The following XYLB variants were observed in gnomAD, a reference collection of about 807,000 sequenced individuals.
XYLB encodes xylulose kinase.
XYLB carries 62 observed loss-of-function variants against 78.7 expected under a neutral mutation model. The observed-to-expected ratio is 0.79, with a 90% CI of 0.64 to 0.97. The LOEUF is 0.97. XYLB is among the 50% of genes least tolerant of loss of function. The probability of loss-of-function intolerance (pLI) is 0.00; values close to 1 mark genes in which losing one functional copy is unlikely to be tolerated. For missense variants in XYLB, 687 were observed against 676.8 expected, an observed-to-expected ratio of 1.02 and a Z score of -0.17; for synonymous variants, 245 against 247.4, an observed-to-expected ratio of 0.99 and a Z score of 0.09.
At chr3:38,372,631 C>G in intron 9 of XYLB, 24 bp from the exon 10 acceptor site, 1 of 1,613,954 alleles carries the variant, frequency 6.2e-7, no homozygotes, top group Non-Finnish European at 8.5e-7. Context: ...AACAGAGCAC[C>G]TTTGCTTTGT....
intron 4 of XYLB, 56 bp from the exon 5 acceptor site, chr3:38,365,143 G>A: frequency 6.5e-7 from 1 of 1,549,378 alleles, no homozygotes; most frequent in South Asian, 1.1e-5. Flanking sequence ...TGTGTCTTCA[G>A]GAGGCTGTGA....
At chr3:38,440,402 C>A in the XYLB span, among the ~76,000 whole-genome samples, 2 of 152,308 alleles carry the variant, frequency 1.3e-5, no homozygotes, top group South Asian at 2.1e-4. Flanking sequence ...TTTGAGCAGA[C>A]CAATTATTAA....
chr3:38,372,076 C>T (rs1706595357), intron 9 of XYLB, among the ~76,000 whole-genome samples: 1 of 152,218 alleles, frequency 6.6e-6, no homozygotes, highest in Non-Finnish European at 1.5e-5. Flanking sequence ...TCATTTGTCA[C>T]GTAGGTGTCA....
chr3:38,365,706 C>T lies in XYLB; in HGVS notation c.477C>T (p.Leu159=). ...LEAAVGGAQA[L]SCLTGSRAYE... is the part of the protein sequence containing the mutation. ...CTGCTGTGGGTGGTGCTCAGGCTCT[C>T]AGCTGCCTCACGGGGTCCCGTGCCT... The change falls in exon 6 of 19, where the codon CTC becomes CTT. Residue 159 remains leucine, a synonymous_variant. Transcript: ENST00000207870. The T allele has an allele frequency of 6.2e-7, 1 of 1,613,698 alleles. No homozygotes were observed. Among genetic ancestry groups the T allele is most frequent in the Non-Finnish European group, 8.5e-7 (1 of 1,179,928 alleles).
chr3:38,443,250 C>T, the XYLB span, among the ~76,000 whole-genome samples: 1 of 152,140 alleles, frequency 6.6e-6, no homozygotes, highest in Non-Finnish European at 1.5e-5. Flanking sequence ...GTACCTGGGG[C>T]TCAGTGAGGG....
chr3:38,365,634 G>T lies in XYLB; in HGVS notation c.405G>T (p.Pro135=), dbSNP rs201031130. 1.2e-6 allele frequency: 2 copies of T among 1,613,732 alleles called. No individual in the cohort carries two copies. The highest frequency in any genetic ancestry group is 1.7e-6 in the Non-Finnish European group (2 of 1,179,740). ...ACTGTTTCTCCATCAGCGACTGCCC[G>T]GTGTGGATGGACTCCAGCACCACAG... ...LQDCFSISDC[P]VWMDSSTTAQ... The change falls in exon 6 of 19, where the codon CCG becomes CCT. Residue 135 remains proline (P), a synonymous_variant. Transcript: ENST00000207870.
Position 38,376,215 on chromosome 3 carries a change from G to A in XYLB, c.1103G>A (p.Gly368Asp). 1.9e-6 allele frequency: 3 copies of A among 1,613,020 alleles called. No homozygotes were observed. The South Asian group carries it at 3.3e-5, about 18-fold the overall frequency. The change falls in exon 13 of 19, where the codon GGC becomes GAC. Residue 368 changes from glycine (G) to aspartate (D), a missense_variant. Transcript: ENST00000207870. ...AAGGCACTGCAGTCCACAGAGATGG[G>A]CAACGGTGGAAACCTGGGTAGGCCA... The part of the protein sequence containing the change: ...FSKALQSTEM[G>D]NGGNLGFYFD...
At chr3:38,372,342 G>A (rs188657281) in intron 9 of XYLB, 58 of 974,118 alleles carry the variant, frequency 6.0e-5, no homozygotes, top group African/African-American at 5.8e-4. Context: ...TCCAGAATTT[G>A]GAGCTTATAA....
At chr3:38,411,622 A>G (rs868843872) in intron 18 of XYLB, among the ~76,000 whole-genome samples, 2 of 151,738 alleles carry the variant, frequency 1.3e-5, no homozygotes, top group African/African-American at 2.4e-5. Context: ...TTCAATTATA[A>G]TTAAGTCTTC....
At chr3:38,443,131 C>G in the XYLB span, among the ~76,000 whole-genome samples, 2 of 152,186 alleles carry the variant, frequency 1.3e-5, no homozygotes, top group Non-Finnish European at 2.9e-5. Flanking sequence ...CAGGATTCCT[C>G]AGATGGTAAT....
downstream of XYLB, among the ~76,000 whole-genome samples, chr3:38,415,953 G>A (rs938426445): frequency 3.3e-5 from 5 of 152,098 alleles, no homozygotes; most frequent in Non-Finnish European, 5.9e-5. Flanking sequence ...GAGCATGGAC[G>A]CACAAGAGAG....
At chr3:38,404,292 T>C (rs1460102615) in intron 18 of XYLB, among the ~76,000 whole-genome samples, 2 of 152,184 alleles carry the variant, frequency 1.3e-5, no homozygotes, top group Admixed American at 1.3e-4. Flanking sequence ...CACAAACACA[T>C]AATTCACAGG....
chr3:38,404,441 G>A (rs1708232744), intron 18 of XYLB, among the ~76,000 whole-genome samples: 1 of 152,238 alleles, frequency 6.6e-6, no homozygotes, highest in South Asian at 2.1e-4. Context: ...GACACCCTGT[G>A]TAACTGTCCC....
At chr3:38,439,445 C>T in the XYLB span, among the ~76,000 whole-genome samples, 1 of 152,308 alleles carries the variant, frequency 6.6e-6, no homozygotes, top group East Asian at 1.9e-4. Context: ...AGCCACGTCA[C>T]CCAACTCCAG....
chr3:38,452,041 G>A, the XYLB span: 1 of 152,088 alleles, frequency 6.6e-6, no homozygotes, highest in East Asian at 1.9e-4. Context: ...TGGAGATAAC[G>A]ATTTATACTC....
At position 38,359,054 on chromosome 3, in the gene XYLB, G is replaced by A. The variant is rs113378973; in HGVS notation, c.141-1285G>A. ...AGAAATAAAGTGCAGTGTGGGAATC[G>A]GCTAAAAGCCTTTAGAGCTGAGAGC... is the stretch of plus-strand genomic sequence containing the variant. On this transcript the variant is annotated intron_variant, in intron 2 of 18. Coordinates refer to ENST00000207870, the MANE Select transcript of XYLB (RefSeq NM_005108.4). Among the ~76,000 whole-genome samples the A allele has an allele frequency of 3.3e-5, 5 of 152,336 alleles. 1 individual carries two copies. The highest frequency in any genetic ancestry group is 1.2e-4 in the African/African-American group (5 of 41,570).
intron 2 of XYLB, chr3:38,356,712 TC>T (rs1315186680): frequency 3.9e-5 from 6 of 152,264 alleles, no homozygotes; most frequent in African/African-American, 1.2e-4. Context: ...TCAGTAATAT[TC>T]CATTGCATTG....
chr3:38,361,365 T>C (rs553261535), intron 3 of XYLB, among the ~76,000 whole-genome samples: 91 of 152,326 alleles, frequency 6.0e-4, no homozygotes, highest in African/African-American at 2.1e-3. Flanking sequence ...CCAAAAGCTT[T>C]TTTCAGTCCT....
chr3:38,397,198 C>G (rs770644661), intron 17 of XYLB, 39 bp downstream of exon 17: 7 of 1,595,954 alleles, frequency 4.4e-6, no homozygotes, highest in Admixed American at 1.7e-5. Flanking sequence ...CTGGAAGTGG[C>G]CAGGACATGG....
Sources: allele counts gnomAD v4.1 joint callset (sites outside exome capture counted in the v4.1 genomes callset), GRCh38; gene constraint gnomAD v4.1.1; transcripts MANE v1.5; gene names NCBI Gene and HGNC (gene_info 2026-07-23, HGNC 2026-07-21).